Variants in BRWD1 observed in about 807,000 individuals in gnomAD.
BRWD1 encodes the protein bromodomain and WD repeat domain containing 1.
In BRWD1, 82 loss-of-function variants were observed where a neutral mutation model predicts 251.2. That is an observed-to-expected ratio of 0.33 (90% CI 0.27 to 0.39). BRWD1 has a LOEUF of 0.39. Ranked by LOEUF, BRWD1 falls within the 10% of genes least tolerant of loss-of-function variation. The pLI is 1.00. For missense variants in BRWD1, 2,233 were observed against 2,711.6 expected, an observed-to-expected ratio of 0.82 and a Z score of 3.92; for synonymous variants, 918 against 902.8, an observed-to-expected ratio of 1.02 and a Z score of -0.30.
intron 1 of BRWD1, among the ~76,000 whole-genome samples, chr21:39,319,062 G>A (rs562016728): frequency 6.6e-6 from 1 of 152,246 alleles, no homozygotes; most frequent in East Asian, 1.9e-4. Flanking sequence ...GACTTTGATC[G>A]ATTTTTGGAG....
chr21:39,209,857 CTT>C, intron 36 of BRWD1, 136 bp downstream of exon 36: 3 of 842,876 alleles, frequency 3.6e-6, no homozygotes, highest in Non-Finnish European at 5.1e-6. Context: ...TTATAATAGT[CTT>C]AATTTATTCA....
At chr21:39,261,636 C>T (rs921719870) in intron 17 of BRWD1, among the ~76,000 whole-genome samples, 3 of 152,062 alleles carry the variant, frequency 2.0e-5, no homozygotes, top group Non-Finnish European at 2.9e-5. Context: ...GTTGCAGATA[C>T]ACCTATGGGT....
intron 13 of BRWD1, among the ~76,000 whole-genome samples, chr21:39,272,891 C>A (rs2035163748): frequency 6.6e-6 from 1 of 152,162 alleles, no homozygotes; most frequent in Non-Finnish European, 1.5e-5. Context: ...GGAATACAGG[C>A]ATGAGCCACT....
rs1413422901 is a variant in BRWD1, at chr21:39,313,562, G to C, written c.-71C>G. The C allele has an allele frequency of 3.2e-6, 4 of 1,230,958 alleles. No individual in the cohort carries two copies. Among genetic ancestry groups the C allele is most frequent in the Non-Finnish European group, 4.1e-6 (4 of 975,432 alleles). The allele number at this position is 1,230,958 out of a possible 1,614,324, so 76.3% of individuals were successfully genotyped here. A position where few individuals can be genotyped will look rare whatever the true frequency, so the allele number is the denominator to read the frequency against. Reference sequence around the variant, plus strand: ...GTGTAGGCCGCGCCGAGGCCTGACCGGGCTGGCGTCCCCTCTTCTCAGGCG... The same window carrying C: ...GTGTAGGCCGCGCCGAGGCCTGACCCGGCTGGCGTCCCCTCTTCTCAGGCG... On this transcript the variant is annotated 5_prime_UTR_variant, in exon 1 of 41. Coordinates refer to ENST00000342449, the MANE Select transcript of BRWD1 (RefSeq NM_033656.4).
At chr21:39,222,664 G>C (rs1328879740) in intron 29 of BRWD1, among the ~76,000 whole-genome samples, 4 of 152,024 alleles carry the variant, frequency 2.6e-5, no homozygotes, top group Non-Finnish European at 4.4e-5. Flanking sequence ...AGGAGAAGAT[G>C]TATCTTATAG....
In BRWD1 at chr21:39,269,879, G is replaced by A; in HGVS notation, c.1530+20C>T. 6.7e-7 allele frequency: 1 copy of A among 1,482,238 alleles called. No homozygotes were observed. The highest frequency in any genetic ancestry group is 9.0e-7 in the Non-Finnish European group (1 of 1,108,340). 91.8% of individuals were successfully genotyped at this position (1,482,238 alleles called of 1,614,324 possible). On this transcript the variant is annotated intron_variant, in intron 15 of 40. Transcript: ENST00000342449. ...AACAAATTATCAAGCATGTATCAAG[G>A]TACATCTCACTTCACTTACCATATT...
rs998889746 is a variant in BRWD1 at position 39,186,276 on chromosome 21, A to C, written c.*9983T>G. 1.3e-5 allele frequency: 2 copies of C among 152,248 alleles called. No homozygotes were observed. Among genetic ancestry groups the C allele is most frequent in the African/African-American group, 4.8e-5 (2 of 41,472 alleles). The allele number at this position is 152,248 out of a possible 1,614,324, so 9.4% of individuals were successfully genotyped here. A position where few individuals can be genotyped will look rare whatever the true frequency, so the allele number is the denominator to read the frequency against. ...AGTAAAAATAAGGAAAAGCCGTGAT[A>C]GTAACATTCATAGCTTTCATAGAAA... On this transcript the variant is annotated 3_prime_UTR_variant, in exon 41 of 41. Coordinates refer to ENST00000342449, the MANE Select transcript of BRWD1 (RefSeq NM_033656.4).
In BRWD1 at chr21:39,199,425, C is replaced by T. The variant is rs867095380; in HGVS notation, c.4991G>A (p.Arg1664His). Residue 1664 changes from arginine (R) to histidine (H), a missense_variant, in exon 40 of 41, where the codon CGC (arginine) becomes CAC (histidine). By Grantham distance (29) the Arg-to-His change is conservative (BLOSUM62 0). This residue lies in a region of BRWD1 where 928 missense variants were observed against 970.0 expected (regional missense o/e 0.96). Coordinates refer to ENST00000342449, the MANE Select transcript of BRWD1 (RefSeq NM_033656.4). Reference sequence around the variant, plus strand: ...TTTTCTAGCTACAGCAGAAGCATTGCGGTGAGGCAGCTTCCGACCAGAACA... The same window carrying T: ...TTTTCTAGCTACAGCAGAAGCATTGTGGTGAGGCAGCTTCCGACCAGAACA... ...SVCSGRKLPH[R>H]NASAVARKKL... 1.9e-6 allele frequency: 3 copies of T among 1,614,216 alleles called. No individual in the cohort carries two copies. The highest frequency in any genetic ancestry group is 2.5e-6 in the Non-Finnish European group (3 of 1,180,038).
In BRWD1 at chr21:39,258,676, C is replaced by CA; in HGVS notation, c.1886-5dup. The CA allele has an allele frequency of 6.4e-7, 1 of 1,562,728 alleles. No individual in the cohort carries two copies. Among genetic ancestry groups the CA allele is most frequent in the Non-Finnish European group, 8.6e-7 (1 of 1,157,424 alleles). On this transcript the variant is annotated splice_polypyrimidine_tract_variant and splice_region_variant and intron_variant, in intron 17 of 40. Coordinates refer to ENST00000342449, the MANE Select transcript of BRWD1 (RefSeq NM_033656.4). ...TGTTCAATCACCTCTCCATCACCTA[C>CA]AAATTCAATTATTTAATATATAATC...
chr21:39,210,608 T>C (rs563881764), intron 35 of BRWD1, among the ~76,000 whole-genome samples, 178 bp downstream of exon 35: 2 of 152,196 alleles, frequency 1.3e-5, no homozygotes, highest in African/African-American at 4.8e-5. Flanking sequence ...CTCACAAGGG[T>C]GTCTATAAAT....
chr21:39,243,719 G>A (rs138568100), intron 21 of BRWD1, among the ~76,000 whole-genome samples: 434 of 152,234 alleles, frequency 2.9e-3, no homozygotes, highest in African/African-American at 0.01. Context: ...CCAAAGTGCT[G>A]AGAATTACAG....
In BRWD1 at chr21:39,255,670, G is replaced by A; in HGVS notation, c.2230C>T (p.Pro744Ser). The change falls in exon 19 of 41, where the codon CCA becomes TCA. Residue 744 changes from proline (P) to serine (S), a missense_variant. Physicochemically the swap from Pro to Ser is moderately conservative, Grantham distance 74. Transcript: ENST00000342449. Reference sequence around the variant, plus strand: ...CTAAATATGCCTAGTGGTACCTCTGGTACAACCACTCTTCGTTTCCAAGCC... The same window carrying A: ...CTAAATATGCCTAGTGGTACCTCTGATACAACCACTCTTCGTTTCCAAGCC... ...LQAWKRRVVVPEVPLGIFRKL... is the reference protein window; with the variant it reads ...LQAWKRRVVVSEVPLGIFRKL... 6.2e-7 allele frequency: 1 copy of A among 1,614,052 alleles called. No homozygotes were observed. Among genetic ancestry groups the A allele is most frequent in the Non-Finnish European group, 8.5e-7 (1 of 1,179,994 alleles).
At chr21:39,290,444 T>C (rs528693714) in intron 8 of BRWD1, among the ~76,000 whole-genome samples, 237 of 151,170 alleles carry the variant, frequency 1.6e-3, no homozygotes, top group African/African-American at 5.4e-3. Flanking sequence ...TGAGCTGAGA[T>C]TGCGCCACTG....
rs557014558 is a variant in BRWD1, at chr21:39,285,301, G to A, written c.832-5053C>T. ...TCACAGAAGCAGAGAATAGAACAGTGGTTACCTATGGCTGGGGAGTATGGG... is the reference window on the plus strand; with the variant it reads ...TCACAGAAGCAGAGAATAGAACAGTAGTTACCTATGGCTGGGGAGTATGGG... On this transcript the variant is annotated intron_variant, in intron 8 of 40. Transcript: ENST00000342449. Among the ~76,000 whole-genome samples the A allele has an allele frequency of 2.6e-5, 4 of 152,264 alleles. No individual in the cohort carries two copies. In the East Asian group the frequency reaches 7.7e-4, roughly 29 times the overall value.
chr21:39,223,306 T>A (rs2033254544), intron 29 of BRWD1, among the ~76,000 whole-genome samples: 1 of 152,138 alleles, frequency 6.6e-6, no homozygotes, highest in South Asian at 2.1e-4. Flanking sequence ...TCAAGTTTTT[T>A]AAAGTGCTAT....
In BRWD1 at chr21:39,199,643, A is replaced by C. The variant is rs904028022; in HGVS notation, c.4773T>G (p.Asn1591Lys). 1.2e-6 allele frequency: 2 copies of C among 1,605,768 alleles called. No homozygotes were observed. The highest frequency in any genetic ancestry group is 2.2e-5 in the South Asian group (2 of 89,098). ...TTCGAGTGGCTTTTCTGCCACATCC[A>C]TTTGCTAATGAAACGGGACCTAGAA... ...QRKTGPVSLA[N>K]GCGRKATRKR... Residue 1591 changes from asparagine (N) to lysine (K), a missense_variant, in exon 40 of 41, where the codon AAT becomes AAG. Physicochemically the swap from Asn to Lys is moderately conservative, Grantham distance 94. Around this residue, in one of 12 missense-constraint regions of BRWD1, gnomAD observed 928 missense variants for 970.0 expected, o/e 0.96. Transcript: ENST00000342449.
chr21:39,255,414 A>G (rs577986765), intron 19 of BRWD1, among the ~76,000 whole-genome samples: 22 of 147,672 alleles, frequency 1.5e-4, no homozygotes, highest in African/African-American at 2.7e-4. Context: ...CTCCGTCTCG[A>G]AAAAAAAAAA....
chr21:39,313,365 C>G (rs1332267824), intron 1 of BRWD1, 66 bp from the exon 2 acceptor site: 1 of 1,474,224 alleles, frequency 6.8e-7, no homozygotes, highest in Admixed American at 2.3e-5. Context: ...GCCAGGGGAG[C>G]CGGGGGAGCC....
In BRWD1 at chr21:39,192,422, A is replaced by C; in HGVS notation, c.*3837T>G. The C allele has an allele frequency of 1.0e-6, 1 of 985,270 alleles. No individual in the cohort carries two copies. Among genetic ancestry groups the C allele is most frequent in the Non-Finnish European group, 1.2e-6 (1 of 829,832 alleles). 61.0% of individuals were successfully genotyped at this position (985,270 alleles called of 1,614,324 possible). On this transcript the variant is annotated 3_prime_UTR_variant, in exon 41 of 41. Transcript: ENST00000342449. ...GATAAGAGACAGTCTCAAACTGTTA[A>C]GTTGCAAATTTCTTGGGGTTTCTGC...
Sources: gnomAD v4.1 joint callset for allele counts (sites outside exome capture counted in the v4.1 genomes callset) on GRCh38, gnomAD v4.1.1 for gene constraint, gnomAD v4.1.1 regional missense constraint, MANE v1.5 for transcripts, NCBI Gene and HGNC (gene_info 2026-07-23, HGNC 2026-07-21) for gene names.